PRKN: variants seen among roughly 807,000 people sequenced by gnomAD.
The protein encoded by PRKN is parkin RBR E3 ubiquitin protein ligase.
A neutral mutation model predicts 59.5 loss-of-function variants in PRKN; 56 were observed. That is an observed-to-expected ratio of 0.94 (90% CI 0.76 to 1.18). The LOEUF is 1.18. Ranked by LOEUF, PRKN falls within the 50% of genes most tolerant of loss-of-function variation. The pLI, the probability that PRKN is intolerant of heterozygous loss-of-function variation, is 0.00. For missense variants in PRKN, 657 were observed against 596.4 expected (o/e 1.10, Z -1.06); for synonymous variants, 250 against 222.1 (o/e 1.13, Z -1.12).
intron 2 of PRKN, among the ~76,000 whole-genome samples, chr6:162,355,388 A>AATCTATCT (rs534864850): frequency 7.9e-5 from 12 of 151,470 alleles, no homozygotes; most frequent in African/African-American, 2.2e-4. Flanking sequence ...CACCATCTGT[A>AATCTATCT]ATCTATCTAT....
At chr6:162,130,641 A>G (rs1396494361) in intron 4 of PRKN, among the ~76,000 whole-genome samples, 1 of 152,168 alleles carries the variant, frequency 6.6e-6, no homozygotes. Flanking sequence ...GTAGGAAATC[A>G]ATGCACTGCT....
In PRKN at chr6:162,201,158, G is replaced by A. The variant is rs1438019680; in HGVS notation, c.507C>T (p.Cys169=). 6.2e-7 allele frequency: 1 copy of A among 1,613,982 alleles called. No individual in the cohort carries two copies. Among genetic ancestry groups the A allele is most frequent in the African/African-American group, 1.3e-5 (1 of 74,902 alleles). The change falls in exon 4 of 12, where the codon TGC becomes TGT. Residue 169 remains cysteine (C), a synonymous_variant. Transcript: ENST00000366898. The part of the protein sequence containing the change: ...PGKLRVQCST[C]RQATLTLTQG... ...GGGTCAAGGTGAGCGTTGCCTGCCT[G>A]CAGGTGCTGCACTGTACCCTGAGTT...
chr6:161,692,378 T>G (rs1340335515), intron 7 of PRKN, among the ~76,000 whole-genome samples: 1 of 152,360 alleles, frequency 6.6e-6, no homozygotes, highest in East Asian at 1.9e-4. Context: ...TAATGACCAC[T>G]GAGCACGTCA....
intron 7 of PRKN, among the ~76,000 whole-genome samples, chr6:161,673,222 C>G (rs371805110): frequency 2.6e-5 from 4 of 152,178 alleles, no homozygotes; most frequent in Admixed American, 2.6e-4. Flanking sequence ...ACCATGCACA[C>G]CGCAGGAGAC....
At chr6:162,624,296 T>C (rs1241463659) in intron 1 of PRKN, 2 of 151,962 alleles carry the variant, frequency 1.3e-5, no homozygotes, top group Admixed American at 6.6e-5. Flanking sequence ...ACTCTTCTGT[T>C]ACGTGAGGAG....
intron 6 of PRKN, among the ~76,000 whole-genome samples, chr6:161,936,772 C>G (rs564736982): frequency 6.7e-4 from 98 of 146,714 alleles, no homozygotes; most frequent in African/African-American, 2.4e-3. Flanking sequence ...CTCCTTCTGA[C>G]TTATTTTTGT....
At chr6:162,024,673 T>C (rs951780795) in intron 5 of PRKN, among the ~76,000 whole-genome samples, 3 of 152,202 alleles carry the variant, frequency 2.0e-5, no homozygotes, top group East Asian at 1.9e-4. Context: ...TAGTGAACAA[T>C]TTTTAGACTC....
intron 6 of PRKN, among the ~76,000 whole-genome samples, chr6:161,880,266 G>A (rs1481788591): frequency 1.3e-5 from 2 of 152,100 alleles, no homozygotes; most frequent in African/African-American, 4.8e-5. Flanking sequence ...TGGTGCATGT[G>A]TTCCATGTTC....
intron 5 of PRKN, among the ~76,000 whole-genome samples, chr6:162,045,627 C>T (rs1464134511): frequency 1.3e-5 from 2 of 152,224 alleles, no homozygotes; most frequent in African/African-American, 4.8e-5. Flanking sequence ...CTAAATTTTA[C>T]TGTGGCTCTT....
chr6:162,376,951 G>C (rs1341475809), intron 2 of PRKN, among the ~76,000 whole-genome samples: 1 of 151,880 alleles, frequency 6.6e-6, no homozygotes, highest in Non-Finnish European at 1.5e-5. Context: ...GTAAAGGCAG[G>C]AGGAGAAGCC....
chr6:162,459,689 T>C (rs930798735), intron 1 of PRKN, among the ~76,000 whole-genome samples: 3 of 152,208 alleles, frequency 2.0e-5, no homozygotes, highest in African/African-American at 7.2e-5. Flanking sequence ...AAGTATGAAA[T>C]GTCTGACTAC....
chr6:162,365,312 C>G (rs1258778335), intron 2 of PRKN, among the ~76,000 whole-genome samples: 1 of 152,058 alleles, frequency 6.6e-6, no homozygotes, highest in African/African-American at 2.4e-5. Flanking sequence ...TCTTCCATGT[C>G]AGTAAATACA....
chr6:162,633,432 CAAAAAAAAAAAAAA>C (rs531688324), intron 1 of PRKN, among the ~76,000 whole-genome samples: 2 of 61,828 alleles, frequency 3.2e-5, no homozygotes, highest in East Asian at 7.5e-4. Context: ...AAGACTGTCT[CAAAAAAAAAAAAAA>C]AAAAAAAAAA....
rs376411351 is a variant in PRKN, at chr6:161,927,765, ACT to A, written c.734+45535_734+45536del. 1.5e-4 allele frequency among the ~76,000 whole-genome samples: 22 copies of A among 151,314 alleles called. No individual in the cohort carries two copies. In the East Asian group the frequency reaches 3.7e-3, roughly 25 times the overall value. The stretch of plus-strand genomic sequence containing the variant: ...ACTCCAGCCTGGGCAACAAAGTGAA[ACT>A]CTGTTTAAAAAAAAAAAAAACTTTA... On this transcript the variant is annotated intron_variant, in intron 6 of 11. Transcript: ENST00000366898.
At chr6:162,160,917 A>C (rs867904007) in intron 4 of PRKN, among the ~76,000 whole-genome samples, 50 of 125,676 alleles carry the variant, frequency 4.0e-4, no homozygotes, top group Middle Eastern at 8.5e-3. Flanking sequence ...AAAAAAAAAA[A>C]GAAAAAGAGG....
rs1039581876 is a variant in PRKN at position 161,582,873 on chromosome 6, G to A, written c.872-13457C>T. On this transcript the variant is annotated intron_variant, in intron 7 of 11. Transcript: ENST00000366898. This position sits in a 1 kb window ranked among gnomAD's most constrained non-coding sequence, Gnocchi z 4.4. ...AGCTCAATGCTGCATCCATGTAGCT[G>A]ATCCCAGCATAGGCCTGACATAGGA... Among the ~76,000 whole-genome samples the A allele has an allele frequency of 1.3e-5, 2 of 151,934 alleles. No individual in the cohort carries two copies. Among genetic ancestry groups the A allele is most frequent in the Admixed American group, 6.6e-5 (1 of 15,212 alleles).
At chr6:162,502,175 T>C (rs1793407081) in intron 1 of PRKN, among the ~76,000 whole-genome samples, 1 of 152,124 alleles carries the variant, frequency 6.6e-6, no homozygotes, top group Admixed American at 6.5e-5. Flanking sequence ...ACGCCCCTCT[T>C]TTTTGAGACA....
intron 5 of PRKN, among the ~76,000 whole-genome samples, chr6:161,973,876 G>A (rs79525844): frequency 6.6e-6 from 1 of 152,146 alleles, no homozygotes; most frequent in Non-Finnish European, 1.5e-5. Flanking sequence ...TTTTTCTCCA[G>A]TATCACTACA....
At chr6:162,473,238 ATG>A (rs928008957) in intron 1 of PRKN, among the ~76,000 whole-genome samples, 3 of 152,182 alleles carry the variant, frequency 2.0e-5, no homozygotes, top group African/African-American at 7.2e-5. Context: ...AAGCACCATG[ATG>A]TGAAGCAAAG....
Sources: gnomAD v4.1 joint callset for allele counts (sites outside exome capture counted in the v4.1 genomes callset) on GRCh38, gnomAD v4.1.1 for gene constraint, Gnocchi (gnomAD v3.1) non-coding constraint, MANE v1.5 for transcripts, NCBI Gene and HGNC (gene_info 2026-07-23, HGNC 2026-07-21) for gene names.